Variants in CHST12 observed in about 807,000 individuals in gnomAD.
The protein encoded by CHST12 is carbohydrate (chondroitin 4) sulfotransferase 12.
CHST12 carries 23 observed loss-of-function variants against 27.9 expected under a neutral mutation model. That is an observed-to-expected ratio of 0.82 (90% CI 0.59 to 1.17). The LOEUF is 1.17. Ranked by LOEUF, CHST12 falls within the 50% of genes most tolerant of loss-of-function variation. The pLI is 0.00. For synonymous variants in CHST12, 322 were observed against 273.0 expected (o/e 1.18, Z -1.77); for missense variants, 682 against 603.0 (o/e 1.13, Z -1.37).
chr7:2,446,614 C>G lies in CHST12; in HGVS notation c.*12730C>G, dbSNP rs189567704. The G allele has an allele frequency of 0.01, 1,566 of 153,062 alleles. 18 individuals are homozygous for G. The highest frequency in any genetic ancestry group is 0.041 in the Middle Eastern group (12 of 294). 9.5% of individuals were successfully genotyped at this position (153,062 alleles called of 1,614,324 possible). A position where few individuals can be genotyped will look rare whatever the true frequency, so the allele number is the denominator to read the frequency against. On this transcript the variant is annotated 3_prime_UTR_variant, in exon 2 of 2. Transcript: ENST00000618655. ...TGAGAATGAGATGTCCAGGGACCTCCCTGCTCCAGCTGGGACCTGTGGGGC... is the reference window on the plus strand; with the variant it reads ...TGAGAATGAGATGTCCAGGGACCTCGCTGCTCCAGCTGGGACCTGTGGGGC...
Position 2,433,068 on chromosome 7 carries a change from G to T in CHST12, c.429G>T (p.Glu143Asp). 1 of 1,612,222 alleles carries T rather than the reference G, an allele frequency of 6.2e-7. No individual in the cohort carries two copies. The highest frequency in any genetic ancestry group is 2.2e-5 in the East Asian group (1 of 44,848). ...ANSSLAFPTK[E>D]RAFDDIPNSE... Reference sequence around the variant, plus strand: ...CCAGCCTGGCCTTCCCCACCAAGGAGCGCGCATTCGACGACATCCCCAACT... The same window carrying T: ...CCAGCCTGGCCTTCCCCACCAAGGATCGCGCATTCGACGACATCCCCAACT... Residue 143 changes from glutamate (E) to aspartate (D), a missense_variant, in exon 2 of 2, where the codon GAG (glutamate) becomes GAT (aspartate). By Grantham distance (45) the Glu-to-Asp change is conservative. Coordinates refer to ENST00000618655, the MANE Select transcript of CHST12 (RefSeq NM_018641.5). This position sits in a 1 kb window ranked among gnomAD's most constrained non-coding sequence, Gnocchi z 6.1.
At chr7:2,419,195 G>C (rs1177689276) in intron 1 of CHST12, among the ~76,000 whole-genome samples, 1 of 152,078 alleles carries the variant, frequency 6.6e-6, no homozygotes, top group Non-Finnish European at 1.5e-5. Flanking sequence ...GATCACTTGA[G>C]CCCAGGAGTT....
chr7:2,423,709 G>C (rs1479517591), intron 1 of CHST12, among the ~76,000 whole-genome samples: 2 of 152,172 alleles, frequency 1.3e-5, no homozygotes, highest in East Asian at 1.9e-4. Context: ...AATCATCCCA[G>C]CTCCTTTCAT....
In CHST12 at chr7:2,434,147, T is replaced by A; in HGVS notation, c.*263T>A. 3.8e-6 allele frequency: 1 copy of A among 260,516 alleles called. No homozygotes were observed. Among genetic ancestry groups the A allele is most frequent in the Non-Finnish European group, 7.1e-6 (1 of 141,700 alleles). The allele number at this position is 260,516 out of a possible 1,614,324, so 16.1% of individuals were successfully genotyped here. On this transcript the variant is annotated 3_prime_UTR_variant, in exon 2 of 2. Transcript: ENST00000618655. ...CCGCTCGCCCGCTCGCCCGCTCCTGTGGTTTTTCTGAGCGTGCGGGCGCCG... is the reference window on the plus strand; with the variant it reads ...CCGCTCGCCCGCTCGCCCGCTCCTGAGGTTTTTCTGAGCGTGCGGGCGCCG...
In CHST12 at chr7:2,437,059, C is replaced by G. The variant is rs1782491520; in HGVS notation, c.*3175C>G. 6.6e-6 allele frequency: 1 copy of G among 152,226 alleles called. No individual in the cohort carries two copies. Among genetic ancestry groups the G allele is most frequent in the East Asian group, 1.9e-4 (1 of 5,196 alleles). 9.4% of individuals were successfully genotyped at this position (152,226 alleles called of 1,614,324 possible). On this transcript the variant is annotated 3_prime_UTR_variant, in exon 2 of 2. Coordinates refer to ENST00000618655, the MANE Select transcript of CHST12 (RefSeq NM_018641.5). The stretch of plus-strand genomic sequence containing the variant: ...CCACACTGCGTAGAGACCTTTGGCT[C>G]TGGTTTTTTCTTTTTCCACTGAAAC...
intron 1 of CHST12, among the ~76,000 whole-genome samples, chr7:2,422,092 C>T (rs994279588): frequency 3.9e-5 from 6 of 152,110 alleles, no homozygotes; most frequent in Admixed American, 6.5e-5. Context: ...TCGTGGACGG[C>T]GGCAGCATCC....
chr7:2,439,610 T>C lies in CHST12; in HGVS notation c.*5726T>C. On this transcript the variant is annotated 3_prime_UTR_variant, in exon 2 of 2. Coordinates refer to ENST00000618655, the MANE Select transcript of CHST12 (RefSeq NM_018641.5). ...CATTTTTGGTAGAGGCCGGGTACGG[T>C]GGCTCATGCCTGTAATCCCGGCACT... The C allele has an allele frequency of 6.6e-6, 1 of 151,730 alleles. No individual in the cohort carries two copies. Among genetic ancestry groups the C allele is most frequent in the Non-Finnish European group, 1.5e-5 (1 of 67,988 alleles). The allele number at this position is 151,730 out of a possible 1,614,324, so 9.4% of individuals were successfully genotyped here.
Position 2,434,579 on chromosome 7 carries a change from T to TGAAA in CHST12, c.*695_*696insGAAA, listed in dbSNP as rs1782423348. ...CAACATGGTGAAACCCTGTCTCTAC[T>TGAAA]AAAAAAAAAAAAAAAAAAAAAAAAA... On this transcript the variant is annotated 3_prime_UTR_variant, in exon 2 of 2. Transcript: ENST00000618655. 4 of 20,968 alleles carry TGAAA rather than the reference T, an allele frequency of 1.9e-4. No individual in the cohort carries two copies. Among genetic ancestry groups the TGAAA allele is most frequent in the Non-Finnish European group, 3.3e-4 (4 of 11,982 alleles). 1.3% of individuals were successfully genotyped at this position (20,968 alleles called of 1,614,324 possible).
chr7:2,405,637 GGGGCAGTGAGAGAGTGGGGGC>G (rs1318805534), intron 1 of CHST12, among the ~76,000 whole-genome samples: 1 of 152,164 alleles, frequency 6.6e-6, no homozygotes, highest in African/African-American at 2.4e-5. Context: ...GCGTGGGTCT[GGGGCAGTGAGAGAGTGGGGGC>G]GGGCATGGAG....
intron 1 of CHST12, among the ~76,000 whole-genome samples, chr7:2,419,241 T>C (rs1286934735): frequency 6.6e-6 from 1 of 152,012 alleles, no homozygotes; most frequent in African/African-American, 2.4e-5. Flanking sequence ...AAACCCCATC[T>C]CTACTAAAAA....
chr7:2,413,505 C>T (rs1420312733), intron 1 of CHST12, among the ~76,000 whole-genome samples: 1 of 152,174 alleles, frequency 6.6e-6, no homozygotes, highest in Non-Finnish European at 1.5e-5. Context: ...TAGAGCATTT[C>T]CATCGCCCCG....
intron 1 of CHST12, among the ~76,000 whole-genome samples, chr7:2,420,928 A>G (rs772430922): frequency 1.2e-4 from 18 of 152,126 alleles, no homozygotes; most frequent in Non-Finnish European, 2.1e-4. Context: ...ACAGTGGTAC[A>G]ATCTCAGCTC....
At chr7:2,432,110 C>G (rs974670628) in intron 1 of CHST12, among the ~76,000 whole-genome samples, 36 of 134,554 alleles carry the variant, frequency 2.7e-4, no homozygotes, top group African/African-American at 1.0e-3. Context: ...CCACTGCACT[C>G]CAGCCTGGGC....
At chr7:2,418,621 G>A (rs915195046) in intron 1 of CHST12, among the ~76,000 whole-genome samples, 11 of 152,128 alleles carry the variant, frequency 7.2e-5, no homozygotes, top group African/African-American at 2.7e-4. Context: ...GATGTGTTTT[G>A]GAAGCAGGTG....
Position 2,440,779 on chromosome 7 carries a change from G to A in CHST12, c.*6895G>A, listed in dbSNP as rs1277510877. 2 of 152,168 alleles carry A rather than the reference G, an allele frequency of 1.3e-5. No homozygotes were observed. The highest frequency in any genetic ancestry group is 4.8e-5 in the African/African-American group (2 of 41,440). 9.4% of individuals were successfully genotyped at this position (152,168 alleles called of 1,614,324 possible). ...GAATAAGCTGTTTGAACAAAGATCT[G>A]GAGGTTGCACAATCCTGTGTCATTC... On this transcript the variant is annotated 3_prime_UTR_variant, in exon 2 of 2. Transcript: ENST00000618655.
At chr7:2,410,778 G>C (rs939567459) in intron 1 of CHST12, among the ~76,000 whole-genome samples, 2 of 152,142 alleles carry the variant, frequency 1.3e-5, no homozygotes, top group Admixed American at 6.5e-5. Flanking sequence ...AGGCTGGAGA[G>C]GGTCGCCGAG....
intron 1 of CHST12, among the ~76,000 whole-genome samples, chr7:2,417,237 T>C (rs1045923314): frequency 3.3e-5 from 5 of 151,670 alleles, no homozygotes; most frequent in East Asian, 1.9e-4. Context: ...TTTTTTTTTT[T>C]TTTTTGAGGC....
intron 1 of CHST12, among the ~76,000 whole-genome samples, 193 bp downstream of exon 1, chr7:2,403,866 C>G (rs554857874): frequency 6.6e-6 from 1 of 152,156 alleles, no homozygotes; most frequent in Non-Finnish European, 1.5e-5. Flanking sequence ...TGACCTTGGC[C>G]CTGCGCGCGC....
At chr7:2,406,873 G>C (rs1781540048) in intron 1 of CHST12, among the ~76,000 whole-genome samples, 1 of 152,070 alleles carries the variant, frequency 6.6e-6, no homozygotes, top group African/African-American at 2.4e-5. Context: ...AATACACACT[G>C]GGAAACCAGA....
Sources: allele counts gnomAD v4.1 joint callset (sites outside exome capture counted in the v4.1 genomes callset), GRCh38; gene constraint gnomAD v4.1.1; non-coding constraint Gnocchi (gnomAD v3.1); transcripts MANE v1.5; gene names NCBI Gene and HGNC (gene_info 2026-07-23, HGNC 2026-07-21).